The following CCDC171 variants were observed in gnomAD, a reference collection of about 807,000 sequenced individuals.
CCDC171 encodes the protein coiled-coil domain-containing protein 171.
Under a neutral mutation model 168.2 loss-of-function variants are expected in CCDC171, and 177 were observed. The observed-to-expected ratio is 1.05, with a 90% confidence interval of 0.93 to 1.19. The LOEUF (loss-of-function observed/expected upper bound fraction) is 1.19, where lower values mean the gene tolerates loss of function less well. Ranked by LOEUF, CCDC171 falls within the 50% of genes most tolerant of loss-of-function variation. The pLI is 0.00. For missense variants in CCDC171, 1,991 were observed against 1,539.0 expected (o/e 1.29, Z -4.91); for synonymous variants, 687 against 540.8 (o/e 1.27, Z -3.75).
chr9:15,736,462 C>A (rs960342256), intron 16 of CCDC171, among the ~76,000 whole-genome samples: 1 of 151,902 alleles, frequency 6.6e-6, no homozygotes, highest in Non-Finnish European at 1.5e-5. Context: ...GAGATTCCCC[C>A]ACCTCAGCCT....
chr9:15,953,648 A>G lies in CCDC171; in HGVS notation c.3754-17961A>G, dbSNP rs193215829. 1.4e-3 allele frequency among the ~76,000 whole-genome samples: 208 copies of G among 152,190 alleles called. 1 individual carries two copies. Among genetic ancestry groups the G allele is most frequent in the Admixed American group, 2.6e-3 (39 of 15,286 alleles). The stretch of plus-strand genomic sequence containing the variant: ...TGACCTATAGTTTTCTTTTCTTGTG[A>G]TACATTTGTCTGGCTTTAGTAACAG... On this transcript the variant is annotated intron_variant, in intron 25 of 25. Coordinates refer to ENST00000380701, the MANE Select transcript of CCDC171 (RefSeq NM_173550.4).
chr9:15,917,452 C>T (rs983083449), intron 24 of CCDC171, among the ~76,000 whole-genome samples: 36 of 149,502 alleles, frequency 2.4e-4, no homozygotes, highest in African/African-American at 8.7e-4. Flanking sequence ...GATTTGAAAT[C>T]CTAAGAAAAA....
chr9:15,630,705 C>G (rs886489752), intron 7 of CCDC171, among the ~76,000 whole-genome samples: 1 of 152,194 alleles, frequency 6.6e-6, no homozygotes, highest in Non-Finnish European at 1.5e-5. Context: ...CTCTCCACCC[C>G]AAATCAACAG....
chr9:15,689,416 G>A (rs1411013609), intron 10 of CCDC171, among the ~76,000 whole-genome samples: 1 of 152,042 alleles, frequency 6.6e-6, no homozygotes, highest in South Asian at 2.1e-4. Context: ...AAACACATAT[G>A]GAAATATAAG....
chr9:15,691,152 T>C (rs1176668511), intron 10 of CCDC171, among the ~76,000 whole-genome samples: 1 of 152,126 alleles, frequency 6.6e-6, no homozygotes, highest in African/African-American at 2.4e-5. Context: ...GAATGTATAT[T>C]GTAGTGTCGT....
chr9:15,602,240 T>C (rs1377926386), intron 6 of CCDC171, among the ~76,000 whole-genome samples: 8 of 152,184 alleles, frequency 5.3e-5, no homozygotes, highest in Non-Finnish European at 1.2e-4. Flanking sequence ...AAAAAGTTTT[T>C]TAAAAACAAC....
In CCDC171 at chr9:15,968,604, G is replaced by C. The variant is rs1199466490; in HGVS notation, c.3754-3005G>C. On this transcript the variant is annotated intron_variant, in intron 25 of 25. Transcript: ENST00000380701. Reference sequence around the variant, plus strand: ...TGCCCAGGCTGGAGTGCAGTGTGCAGTGGTGTGATCTTGGCTTACTGCAAC... The same window carrying C: ...TGCCCAGGCTGGAGTGCAGTGTGCACTGGTGTGATCTTGGCTTACTGCAAC... Among the ~76,000 whole-genome samples the C allele has an allele frequency of 6.1e-5, 9 of 146,686 alleles. No individual in the cohort carries two copies. In the East Asian group the frequency reaches 1.6e-3, roughly 27 times the overall value.
rs369863967 is a variant in CCDC171, at chr9:15,900,796, A to T, written c.3601-19474A>T. Reference sequence around the variant, plus strand: ...GTCTTCTGGGTTTGGAAGCTTCCTTAGGCTCTGCTCTGCTTTCCTGATTCT... The same window carrying T: ...GTCTTCTGGGTTTGGAAGCTTCCTTTGGCTCTGCTCTGCTTTCCTGATTCT... On this transcript the variant is annotated intron_variant, in intron 24 of 25. Coordinates refer to ENST00000380701, the MANE Select transcript of CCDC171 (RefSeq NM_173550.4). 6.6e-5 allele frequency among the ~76,000 whole-genome samples: 10 copies of T among 152,250 alleles called. No individual in the cohort carries two copies. The East Asian group carries it at 1.9e-3, about 29-fold the overall frequency.
intron 8 of CCDC171, among the ~76,000 whole-genome samples, chr9:15,664,211 A>G (rs981888583): frequency 2.6e-5 from 4 of 152,132 alleles, no homozygotes; most frequent in African/African-American, 7.2e-5. Context: ...CTTCACCACT[A>G]TGCAATATAT....
At position 15,724,758 on chromosome 9, in the gene CCDC171, A is replaced by T; in HGVS notation, c.1492-18A>T. On this transcript the variant is annotated intron_variant, in intron 13 of 25. Transcript: ENST00000380701. The stretch of plus-strand genomic sequence containing the variant: ...TGGCTGGCCTTTCTACAATCTCTTT[A>T]TTTGGTATCTATGACAGGAACTTCA... 4 of 1,592,696 alleles carry T rather than the reference A, an allele frequency of 2.5e-6. No individual in the cohort carries two copies. Among genetic ancestry groups the T allele is most frequent in the Non-Finnish European group, 3.4e-6 (4 of 1,161,612 alleles).
chr9:16,056,914 A>C (rs1359654481), intron 1 of CCDC171, among the ~76,000 whole-genome samples: 1 of 152,258 alleles, frequency 6.6e-6, no homozygotes, highest in Non-Finnish European at 1.5e-5. Context: ...TTTAATTGTA[A>C]TGTAGAAATG....
chr9:15,583,408 C>CAAAAAAA (rs753789809), intron 4 of CCDC171, among the ~76,000 whole-genome samples: 1 of 95,802 alleles, frequency 1.0e-5, no homozygotes, highest in Non-Finnish European at 2.1e-5. Context: ...GACTCCATCT[C>CAAAAAAA]AAAAAAAAAA....
intron 21 of CCDC171, among the ~76,000 whole-genome samples, chr9:15,823,174 G>A (rs890232771): frequency 3.9e-5 from 6 of 151,922 alleles, no homozygotes; most frequent in South Asian, 2.1e-4. Flanking sequence ...ATCACACACC[G>A]GGTTTGTTGT....
intron 16 of CCDC171, among the ~76,000 whole-genome samples, chr9:15,737,243 A>G (rs2054556569): frequency 6.6e-6 from 1 of 152,196 alleles, no homozygotes; most frequent in African/African-American, 2.4e-5. Flanking sequence ...TGGTAGTAAC[A>G]AAGAGGTATA....
intron 25 of CCDC171, among the ~76,000 whole-genome samples, chr9:15,944,124 C>A (rs920939118): frequency 2.6e-5 from 4 of 152,014 alleles, no homozygotes; most frequent in East Asian, 1.9e-4. Context: ...CATACCCTTA[C>A]AGGTTTTTTT....
intron 11 of CCDC171, among the ~76,000 whole-genome samples, chr9:15,710,601 C>G (rs1268256101): frequency 6.6e-6 from 1 of 150,390 alleles, no homozygotes; most frequent in Non-Finnish European, 1.5e-5. Flanking sequence ...GTGCCAGGCC[C>G]TCTTTCATTT....
chr9:15,957,371 C>G (rs752151495), intron 25 of CCDC171, among the ~76,000 whole-genome samples: 1 of 152,158 alleles, frequency 6.6e-6, no homozygotes, highest in Non-Finnish European at 1.5e-5. Context: ...AGACCTGTCA[C>G]AAAGTTCCCG....
chr9:15,993,577 A>C (rs1279168716), intron 3 of CCDC171, among the ~76,000 whole-genome samples: 1 of 152,244 alleles, frequency 6.6e-6, no homozygotes. Context: ...TGGCAACAAA[A>C]GCCAAAATTG....
At chr9:15,792,222 A>C (rs2135611690) in intron 21 of CCDC171, among the ~76,000 whole-genome samples, 1 of 152,362 alleles carries the variant, frequency 6.6e-6, no homozygotes, top group Admixed American at 6.5e-5. Flanking sequence ...AAAGGGTATC[A>C]GTGATTGAAG....
Sources: gnomAD v4.1 joint callset for allele counts (sites outside exome capture counted in the v4.1 genomes callset) on GRCh38, gnomAD v4.1.1 for gene constraint, MANE v1.5 for transcripts, NCBI Gene and HGNC (gene_info 2026-07-23, HGNC 2026-07-21) for gene names.